The following HS3ST2 variants were observed in gnomAD, a reference collection of about 807,000 sequenced individuals.
The protein encoded by HS3ST2 is heparan sulfate glucosamine 3-O-sulfotransferase 2.
A neutral mutation model predicts 26.3 loss-of-function variants in HS3ST2; 17 were observed. That is an observed-to-expected ratio of 0.65 (90% CI 0.44 to 0.97). The LOEUF (loss-of-function observed/expected upper bound fraction) is 0.97, where lower values mean the gene tolerates loss of function less well. HS3ST2 is among the 50% of genes least tolerant of loss of function. The pLI, the probability that HS3ST2 is intolerant of heterozygous loss-of-function variation, is 0.00. For missense variants in HS3ST2, 402 were observed against 501.2 expected, an observed-to-expected ratio of 0.80 and a Z score of 1.89; for synonymous variants, 237 against 219.2, an observed-to-expected ratio of 1.08 and a Z score of -0.72.
chr16:22,823,910 C>T (rs557869099), intron 1 of HS3ST2, among the ~76,000 whole-genome samples: 2 of 152,326 alleles, frequency 1.3e-5, no homozygotes, highest in East Asian at 3.9e-4. Context: ...GTAGCCTTCC[C>T]AAGAACCAGG....
intron 1 of HS3ST2, among the ~76,000 whole-genome samples, chr16:22,901,898 T>G (rs1050434877): frequency 2.7e-5 from 4 of 150,840 alleles, no homozygotes; most frequent in Non-Finnish European, 5.9e-5. Context: ...CATTAGATAG[T>G]TTTTTTTAAA....
intron 1 of HS3ST2, among the ~76,000 whole-genome samples, chr16:22,889,247 GA>G (rs1358834335): frequency 6.6e-6 from 1 of 152,194 alleles, no homozygotes; most frequent in Admixed American, 6.5e-5. Context: ...CAGACTCACA[GA>G]CTTTGGTGAC....
At chr16:22,884,774 T>G (rs1339116771) in intron 1 of HS3ST2, among the ~76,000 whole-genome samples, 2 of 149,710 alleles carry the variant, frequency 1.3e-5, no homozygotes, top group African/African-American at 2.4e-5. Flanking sequence ...CCATCACTCC[T>G]TTTGACCTGT....
rs546763063 is a variant in HS3ST2, at chr16:22,905,381, G to A, written c.486-9563G>A. Among the ~76,000 whole-genome samples the A allele has an allele frequency of 2.9e-4, 44 of 152,044 alleles. No homozygotes were observed. The South Asian group carries it at 8.7e-3, about 30-fold the overall frequency. On this transcript the variant is annotated intron_variant, in intron 1 of 1. Transcript: ENST00000261374. ...GGGTCAAAAATATAATTTCCAGAAA[G>A]CCTCAGGATGACAAGAGAATACTTG...
chr16:22,881,961 T>G (rs1901995281), intron 1 of HS3ST2, among the ~76,000 whole-genome samples: 2 of 151,596 alleles, frequency 1.3e-5, no homozygotes, highest in Admixed American at 1.3e-4. Context: ...TTATCATGTT[T>G]GTTTGTTTGT....
In HS3ST2 at chr16:22,857,860, C is replaced by T. The variant is rs79694066; in HGVS notation, c.485+42765C>T. ...ACACAGGGTGTGATTATACCCACAT[C>T]GGCTTCTGTTTCAGAGCTTCCATTT... On this transcript the variant is annotated intron_variant, in intron 1 of 1. Transcript: ENST00000261374. Among the ~76,000 whole-genome samples the T allele has an allele frequency of 2.6e-3, 398 of 152,264 alleles. 6 individuals are homozygous for T. The East Asian group carries it at 0.035, about 14-fold the overall frequency.
intron 1 of HS3ST2, among the ~76,000 whole-genome samples, chr16:22,816,530 T>C (rs996724592): frequency 6.6e-6 from 1 of 152,160 alleles, no homozygotes; most frequent in Non-Finnish European, 1.5e-5. Context: ...ACATAGTCTG[T>C]CCCCATTGCA....
intron 1 of HS3ST2, among the ~76,000 whole-genome samples, chr16:22,877,911 A>T (rs1249869072): frequency 6.6e-6 from 1 of 152,134 alleles, no homozygotes; most frequent in Non-Finnish European, 1.5e-5. Context: ...ATAGAGGGGG[A>T]TAATGAGGGC....
intron 1 of HS3ST2, among the ~76,000 whole-genome samples, chr16:22,832,740 C>T (rs943004538): frequency 2.6e-5 from 4 of 151,154 alleles, no homozygotes; most frequent in Non-Finnish European, 5.9e-5. Context: ...GAAGGGGATA[C>T]GAGATGAGGA....
chr16:22,878,249 C>T (rs1421275716), intron 1 of HS3ST2, among the ~76,000 whole-genome samples: 1 of 152,184 alleles, frequency 6.6e-6, no homozygotes, highest in Non-Finnish European at 1.5e-5. Context: ...TTTTTTGCTT[C>T]ATTTTTTTTA....
At chr16:22,899,631 G>A (rs1457482336) in intron 1 of HS3ST2, among the ~76,000 whole-genome samples, 1 of 152,158 alleles carries the variant, frequency 6.6e-6, no homozygotes, top group Non-Finnish European at 1.5e-5. Context: ...AAAGGAAAGA[G>A]GTTTAATAGA....
chr16:22,814,557 C>T lies in HS3ST2; in HGVS notation c.-54C>T. Reference sequence around the variant, plus strand: ...AGGCGACCGCAGGGCCACAGCAGCTCAGCCGCCGGTGCCCCCTCGGAAACC... The same window carrying T: ...AGGCGACCGCAGGGCCACAGCAGCTTAGCCGCCGGTGCCCCCTCGGAAACC... On this transcript the variant is annotated 5_prime_UTR_variant, in exon 1 of 2. Coordinates refer to ENST00000261374, the MANE Select transcript of HS3ST2 (RefSeq NM_006043.2). 1 of 1,455,636 alleles carries T rather than the reference C, an allele frequency of 6.9e-7. No individual in the cohort carries two copies. Among genetic ancestry groups the T allele is most frequent in the Non-Finnish European group, 9.0e-7 (1 of 1,112,448 alleles). The allele number at this position is 1,455,636 out of a possible 1,614,324, so 90.2% of individuals were successfully genotyped here.
chr16:22,822,592 GC>G (rs908004886), intron 1 of HS3ST2, among the ~76,000 whole-genome samples: 9 of 152,110 alleles, frequency 5.9e-5, no homozygotes, highest in African/African-American at 1.7e-4. Flanking sequence ...AGTGGCTGAC[GC>G]CTGTAATCCC....
chr16:22,905,792 C>A (rs1041985044), intron 1 of HS3ST2, among the ~76,000 whole-genome samples: 26 of 152,100 alleles, frequency 1.7e-4, no homozygotes, highest in Admixed American at 1.4e-3. Context: ...AATGAGTGTG[C>A]CCCTGTTACT....
In HS3ST2 at chr16:22,872,401, G is replaced by T. The variant is rs1226416621; in HGVS notation, c.486-42543G>T. Among the ~76,000 whole-genome samples, 4 of 152,340 alleles carry T rather than the reference G, an allele frequency of 2.6e-5. No individual in the cohort carries two copies. The East Asian group carries it at 7.7e-4, about 29-fold the overall frequency. Reference sequence around the variant, plus strand: ...GCTCTTGGATAATATTTGATCCAGAGAAGTTTTGTCGGGCTCATAGGGTAT... The same window carrying T: ...GCTCTTGGATAATATTTGATCCAGATAAGTTTTGTCGGGCTCATAGGGTAT... On this transcript the variant is annotated intron_variant, in intron 1 of 1. Transcript: ENST00000261374.
At chr16:22,837,702 A>G (rs1268236855) in intron 1 of HS3ST2, among the ~76,000 whole-genome samples, 26 of 151,664 alleles carry the variant, frequency 1.7e-4, no homozygotes, top group Non-Finnish European at 3.1e-4. Context: ...GGGATAGAAG[A>G]GTTAATGCAG....
chr16:22,815,592 G>C (rs1900852807), intron 1 of HS3ST2, among the ~76,000 whole-genome samples: 1 of 152,166 alleles, frequency 6.6e-6, no homozygotes, highest in Non-Finnish European at 1.5e-5. Flanking sequence ...ATCGCCAGAG[G>C]TCTCCAGTAA....
At chr16:22,855,928 G>A (rs1283396818) in intron 1 of HS3ST2, among the ~76,000 whole-genome samples, 1 of 152,192 alleles carries the variant, frequency 6.6e-6, no homozygotes, top group African/African-American at 2.4e-5. Flanking sequence ...CAACTAGCGA[G>A]TGGGATGTTC....
chr16:22,814,916 C>A lies in HS3ST2; in HGVS notation c.306C>A (p.Asn102Lys). 1 of 1,596,928 alleles carries A rather than the reference C, an allele frequency of 6.3e-7. No homozygotes were observed. The highest frequency in any genetic ancestry group is 8.5e-7 in the Non-Finnish European group (1 of 1,172,408). Reference protein sequence around the residue: ...AVPAPRLSGSNHSGSPKLGTK... With the variant: ...AVPAPRLSGSKHSGSPKLGTK... ...CCGCCCCTCGCCTCTCCGGTTCCAA[C>A]CACTCCGGCTCACCCAAGCTGGGTA... The change falls in exon 1 of 2, where the codon AAC becomes AAA. Residue 102 changes from asparagine (N) to lysine (K), a missense_variant. Coordinates refer to ENST00000261374, the MANE Select transcript of HS3ST2 (RefSeq NM_006043.2).
Sources: gnomAD v4.1 joint callset for allele counts (sites outside exome capture counted in the v4.1 genomes callset) on GRCh38, gnomAD v4.1.1 for gene constraint, MANE v1.5 for transcripts, NCBI Gene and HGNC (gene_info 2026-07-23, HGNC 2026-07-21) for gene names.